Variants in BTRC observed in about 807,000 individuals in gnomAD.
BTRC encodes the protein F-box/WD repeat-containing protein 1A.
Under a neutral mutation model 85.5 loss-of-function variants are expected in BTRC, and 42 were observed. The ratio of observed to expected loss-of-function variants is 0.49; its 90% CI spans 0.38 to 0.64. The LOEUF is 0.64. Ranked by LOEUF, BTRC falls within the 30% of genes least tolerant of loss-of-function variation. The probability of loss-of-function intolerance (pLI) is 0.00; values close to 1 mark genes in which losing one functional copy is unlikely to be tolerated. For synonymous variants in BTRC, 255 were observed against 263.3 expected (o/e 0.97, Z 0.30); for missense variants, 594 against 743.5 (o/e 0.80, Z 2.34).
intron 4 of BTRC, among the ~76,000 whole-genome samples, chr10:101,487,494 T>A (rs1207075112): frequency 6.6e-6 from 1 of 152,246 alleles, no homozygotes; most frequent in African/African-American, 2.4e-5. Context: ...TGTCTGGGTT[T>A]AACTAATGGC....
chr10:101,489,941 C>T (rs1384881453), intron 4 of BTRC, among the ~76,000 whole-genome samples: 1 of 152,110 alleles, frequency 6.6e-6, no homozygotes, highest in Non-Finnish European at 1.5e-5. Flanking sequence ...TAACAAGTCA[C>T]CTTAAAGTCT....
At chr10:101,548,079 G>A (rs946447015) in intron 13 of BTRC, among the ~76,000 whole-genome samples, 3 of 152,158 alleles carry the variant, frequency 2.0e-5, no homozygotes, top group Non-Finnish European at 4.4e-5. Flanking sequence ...AAATGTAAAA[G>A]ATTGGTAATA....
chr10:101,454,309 C>G (rs917655446), intron 2 of BTRC, among the ~76,000 whole-genome samples: 4 of 152,076 alleles, frequency 2.6e-5, no homozygotes, highest in African/African-American at 9.7e-5. Flanking sequence ...TAATTAAGTG[C>G]CTGTTGTGTG....
intron 4 of BTRC, among the ~76,000 whole-genome samples, chr10:101,500,075 T>C (rs1284991346): frequency 6.8e-6 from 1 of 147,072 alleles, no homozygotes; most frequent in Non-Finnish European, 1.5e-5. Context: ...TTGCAGACTT[T>C]TCTTGTGGCC....
At chr10:101,409,999 C>G (rs750286519) in intron 1 of BTRC, among the ~76,000 whole-genome samples, 1 of 152,126 alleles carries the variant, frequency 6.6e-6, no homozygotes, top group Non-Finnish European at 1.5e-5. Context: ...AATTGTTTCC[C>G]GTGGTTACTG....
intron 4 of BTRC, among the ~76,000 whole-genome samples, chr10:101,508,932 A>AAAAAAAAAAAAAAAAAAAAT: frequency 6.6e-6 from 1 of 150,794 alleles, no homozygotes; most frequent in Non-Finnish European, 1.5e-5. Context: ...AAAAAAAAAA[A>AAAAAAAAAAAAAAAAAAAAT]AAAACTAAAA....
At chr10:101,404,026 ATATATTTTT>A (rs1943556202) in intron 1 of BTRC, among the ~76,000 whole-genome samples, 1 of 26,212 alleles carries the variant, frequency 3.8e-5, no homozygotes, top group East Asian at 1.4e-3. Flanking sequence ...ATATATATAT[ATATATTTTT>A]TTTTTTTTTT....
intron 1 of BTRC, among the ~76,000 whole-genome samples, chr10:101,389,321 A>T (rs1943177187): frequency 6.6e-6 from 1 of 151,232 alleles, no homozygotes; most frequent in South Asian, 2.1e-4. Context: ...CTCTGCCTAC[A>T]CTGCTATCAA....
chr10:101,464,939 TC>T (rs1945332925), intron 3 of BTRC, among the ~76,000 whole-genome samples: 1 of 152,022 alleles, frequency 6.6e-6, no homozygotes, highest in African/African-American at 2.4e-5. Context: ...ATAGCAGGGG[TC>T]AATAGAAGCG....
Position 101,389,106 on chromosome 10 carries a change from ATT to A in BTRC, c.48+34883_48+34884del, listed in dbSNP as rs796601911. On this transcript the variant is annotated intron_variant, in intron 1 of 14. Transcript: ENST00000370187. ...TCCACTTGAATGTTGCATAATTGTG[ATT>A]TTTTGTGTGTGTTTTTTTTTTTTTT... 1.6e-3 allele frequency among the ~76,000 whole-genome samples: 96 copies of A among 59,374 alleles called. 1 individual carries two copies. Among genetic ancestry groups the A allele is most frequent in the African/African-American group, 5.0e-3 (92 of 18,252 alleles). 39.0% of individuals were successfully genotyped at this position (59,374 alleles called of 152,430 possible).
intron 8 of BTRC, 44 bp downstream of exon 8, chr10:101,532,476 G>C: frequency 6.4e-7 from 1 of 1,557,564 alleles, no homozygotes; most frequent in Non-Finnish European, 8.7e-7. Context: ...GGGAGCAAGA[G>C]TGACCACATT....
chr10:101,397,630 A>G (rs1315736948), intron 1 of BTRC, among the ~76,000 whole-genome samples: 1 of 152,172 alleles, frequency 6.6e-6, no homozygotes, highest in Non-Finnish European at 1.5e-5. Flanking sequence ...AAAGTTAGGA[A>G]ATTTATTTAT....
intron 13 of BTRC, among the ~76,000 whole-genome samples, chr10:101,538,623 G>A (rs1392095314): frequency 7.2e-5 from 11 of 152,170 alleles, no homozygotes; most frequent in Admixed American, 7.2e-4. Context: ...CTACACAACA[G>A]TTTAGTGCAG....
intron 1 of BTRC, among the ~76,000 whole-genome samples, chr10:101,422,294 C>T (rs1208670166): frequency 5.3e-5 from 8 of 152,180 alleles, no homozygotes; most frequent in Admixed American, 5.2e-4. Context: ...TGTTCATATC[C>T]TTCACCCACT....
At chr10:101,393,839 T>C (rs1472839997) in intron 1 of BTRC, among the ~76,000 whole-genome samples, 2 of 152,158 alleles carry the variant, frequency 1.3e-5, no homozygotes, top group Non-Finnish European at 2.9e-5. Context: ...TGAAAATGCA[T>C]TGTGGCAGAA....
intron 1 of BTRC, among the ~76,000 whole-genome samples, chr10:101,395,159 A>C (rs7091124): frequency 0.036 from 5,466 of 152,214 alleles, 329 homozygotes; most frequent in African/African-American, 0.12. Flanking sequence ...CCTCACACAG[A>C]GGGATTTTCC....
At chr10:101,507,370 T>C (rs947831091) in intron 4 of BTRC, among the ~76,000 whole-genome samples, 3 of 151,936 alleles carry the variant, frequency 2.0e-5, no homozygotes, top group African/African-American at 7.3e-5. Context: ...TGCCAGGGGG[T>C]GAAGTTATTA....
intron 4 of BTRC, among the ~76,000 whole-genome samples, chr10:101,481,952 T>C (rs1945844913): frequency 6.6e-6 from 1 of 152,162 alleles, no homozygotes; most frequent in African/African-American, 2.4e-5. Flanking sequence ...TAAAAACACA[T>C]AGCTGAAAAA....
chr10:101,375,034 T>C (rs1028030697), intron 1 of BTRC, among the ~76,000 whole-genome samples: 6 of 152,058 alleles, frequency 3.9e-5, no homozygotes, highest in Non-Finnish European at 7.4e-5. Flanking sequence ...TGACTAGGTG[T>C]CTGTTGGCAA....
Sources: gnomAD v4.1 joint callset for allele counts (sites outside exome capture counted in the v4.1 genomes callset) on GRCh38, gnomAD v4.1.1 for gene constraint, MANE v1.5 for transcripts, NCBI Gene and HGNC (gene_info 2026-07-23, HGNC 2026-07-21) for gene names.